Variants in CDC14C observed in about 807,000 individuals in gnomAD.
CDC14C encodes the protein cell division cycle 14C, also known as dual specificity protein phosphatase CDC14C.
A neutral mutation model predicts 26.9 loss-of-function variants in CDC14C; 19 were observed. The observed-to-expected ratio is 0.71, with a 90% CI of 0.49 to 1.04. The LOEUF (loss-of-function observed/expected upper bound fraction) is 1.04. Among genes scored for constraint, CDC14C ranks in the 50% least tolerant of loss-of-function variants. CDC14C has a pLI of 0.00. For missense variants in CDC14C, 423 were observed against 520.0 expected (o/e 0.81, Z 1.81); for synonymous variants, 185 against 180.1 (o/e 1.03, Z -0.22).
chr7:48,926,464 C>A lies in CDC14C; in HGVS notation c.*448C>A. Among the ~76,000 whole-genome samples the A allele has an allele frequency of 6.6e-6, 1 of 151,902 alleles. No homozygotes were observed. Among genetic ancestry groups the A allele is most frequent in the Non-Finnish European group, 1.5e-5 (1 of 67,996 alleles). ...ACATATTGATTAACAGCAAACAAGT[C>A]ATTAGCATTGTTTCTATAGATATTA... On this transcript the variant is annotated 3_prime_UTR_variant, in exon 1 of 1. Transcript: ENST00000650262.
Position 48,926,342 on chromosome 7 carries a change from G to A in CDC14C, c.*326G>A, listed in dbSNP as rs1278009549. On this transcript the variant is annotated 3_prime_UTR_variant, in exon 1 of 1. Transcript: ENST00000650262. ...AGACCCTACCCCAGTGGTGCTAGAG[G>A]AATTAAAGACACACACACAGAAATA... 6.7e-6 allele frequency among the ~76,000 whole-genome samples: 1 copy of A among 149,208 alleles called. No homozygotes were observed. The highest frequency in any genetic ancestry group is 1.5e-5 in the Non-Finnish European group (1 of 67,460).
Position 48,924,629 on chromosome 7 carries a change from A to T in CDC14C, c.-44A>T, listed in dbSNP as rs13308996. The T allele has an allele frequency of 1.6e-4, 163 of 1,017,730 alleles. No individual in the cohort carries two copies. The highest frequency in any genetic ancestry group is 3.2e-4 in the Admixed American group (18 of 55,468). The allele number at this position is 1,017,730 out of a possible 1,614,324, so 63.0% of individuals were successfully genotyped here. A position where few individuals can be genotyped will look rare whatever the true frequency, so the allele number is the denominator to read the frequency against. On this transcript the variant is annotated 5_prime_UTR_variant, in exon 1 of 1. Transcript: ENST00000650262. ...CGGTCGAGCTGGGCCGCCGCGCCCC[A>T]CTGCTCGCCGCGCTGCTCTTTGACC...
rs768186262 is a variant in CDC14C at position 48,924,967 on chromosome 7, C to G, written c.295C>G (p.Gln99Glu). 3 of 1,480,888 alleles carry G rather than the reference C, an allele frequency of 2.0e-6. No homozygotes were observed. In the East Asian group the frequency reaches 6.8e-5, roughly 33 times the overall value. 91.7% of individuals were successfully genotyped at this position (1,480,888 alleles called of 1,614,324 possible). A position where few individuals can be genotyped will look rare whatever the true frequency, so the allele number is the denominator to read the frequency against. The change falls in exon 1 of 1, where the codon CAA (glutamine) becomes GAA (glutamate). Residue 99 changes from glutamine to glutamate, a missense_variant. Physicochemically the swap from Gln to Glu is conservative, Grantham distance 29 (BLOSUM62 2). Transcript: ENST00000650262. Reference protein sequence around the residue: ...VHFTGSDQRKQANAAFLVGCY... With the variant: ...VHFTGSDQRKEANAAFLVGCY... ...TTTTACTGGCTCTGATCAGAGAAAA[C>G]AAGCAAATGCTGCCTTCCTTGTTGG...
In CDC14C at chr7:48,926,041, C is replaced by A; in HGVS notation, c.*25C>A. The A allele has an allele frequency of 1.4e-6, 1 of 737,752 alleles. No homozygotes were observed. Among genetic ancestry groups the A allele is most frequent in the Non-Finnish European group, 2.5e-6 (1 of 394,776 alleles). The allele number at this position is 737,752 out of a possible 1,614,324, so 45.7% of individuals were successfully genotyped here. ...ACTCAAAGATTTCAGAACATAGTAG[C>A]CATCAGGACCCCCTGACAGATAGCT... On this transcript the variant is annotated 3_prime_UTR_variant, in exon 1 of 1. Coordinates refer to ENST00000650262, the MANE Select transcript of CDC14C (RefSeq NM_152627.3).
At position 48,927,326 on chromosome 7, in the gene CDC14C, A is replaced by T. The variant is rs1798908009; in HGVS notation, c.*1310A>T. Among the ~76,000 whole-genome samples the T allele has an allele frequency of 6.6e-6, 1 of 152,198 alleles. No homozygotes were observed. The highest frequency in any genetic ancestry group is 1.5e-5 in the Non-Finnish European group (1 of 68,036). On this transcript the variant is annotated 3_prime_UTR_variant, in exon 1 of 1. Transcript: ENST00000650262. Reference sequence around the variant, plus strand: ...TAGCTTTAGAAGACTCAGGAGGAGAAACTGACTTCAGAGCTGGAAGATGTT... The same window carrying T: ...TAGCTTTAGAAGACTCAGGAGGAGATACTGACTTCAGAGCTGGAAGATGTT...
chr7:48,925,644 G>C lies in CDC14C; in HGVS notation c.972G>C (p.Gly324=), dbSNP rs778210848. The C allele has an allele frequency of 1.3e-6, 2 of 1,573,806 alleles. No homozygotes were observed. The highest frequency in any genetic ancestry group is 1.7e-6 in the Non-Finnish European group (2 of 1,143,280). The change falls in exon 1 of 1, where the codon GGG becomes GGC. Residue 324 remains glycine, a synonymous_variant. Coordinates refer to ENST00000650262, the MANE Select transcript of CDC14C (RefSeq NM_152627.3). ...TCTGCAGACCTGGCTTGGTGATCGG[G>C]CCTCAGCAGCAGTTTTTGGTGATGA... The part of the protein sequence containing the change: ...VRICRPGLVI[G]PQQQFLVMKQ...
rs750444413 is a variant in CDC14C, at chr7:48,924,683, C to T, written c.11C>T (p.Ser4Phe). The change falls in exon 1 of 1, where the codon TCC becomes TTC. Residue 4 changes from serine (S) to phenylalanine (F), a missense_variant. By Grantham distance (155) the Ser-to-Phe change is radical (BLOSUM62 -2). Transcript: ENST00000650262. ...CAGGGTGTGAAGAAGATGCGCAGCT[C>T]CACGCTGCAGGACCCGCGCCGCCGG... The part of the protein sequence containing the change: MRS[S>F]TLQDPRRRDP... 8.7e-7 allele frequency: 1 copy of T among 1,151,528 alleles called. No individual in the cohort carries two copies. The highest frequency in any genetic ancestry group is 1.3e-6 in the Non-Finnish European group (1 of 758,716). The allele number at this position is 1,151,528 out of a possible 1,614,324, so 71.3% of individuals were successfully genotyped here.
At position 48,924,745 on chromosome 7, in the gene CDC14C, C is replaced by G; in HGVS notation, c.73C>G (p.Arg25Gly). 7.1e-7 allele frequency: 1 copy of G among 1,411,122 alleles called. No homozygotes were observed. The highest frequency in any genetic ancestry group is 1.7e-5 in the Admixed American group (1 of 59,718). The allele number at this position is 1,411,122 out of a possible 1,614,324, so 87.4% of individuals were successfully genotyped here. ...QDDVYVDITD[R>G]LRFAILYSRP... ...CGACGTGTACGTGGACATCACCGAT[C>G]GCCTTCGTTTTGCCATTCTCTACAG... The change falls in exon 1 of 1, where the codon CGC becomes GGC. Residue 25 changes from arginine to glycine, a missense_variant. By Grantham distance (125) the Arg-to-Gly change is moderately radical. Transcript: ENST00000650262.
Position 48,924,667 on chromosome 7 carries a change from A to G in CDC14C, c.-6A>G. 1 of 1,115,886 alleles carries G rather than the reference A, an allele frequency of 9.0e-7. No individual in the cohort carries two copies. Among genetic ancestry groups the G allele is most frequent in the Non-Finnish European group, 1.4e-6 (1 of 726,878 alleles). The allele number at this position is 1,115,886 out of a possible 1,614,324, so 69.1% of individuals were successfully genotyped here. A position where few individuals can be genotyped will look rare whatever the true frequency, so the allele number is the denominator to read the frequency against. ...CTGCTCTTTGACCTCGCAGGGTGTG[A>G]AGAAGATGCGCAGCTCCACGCTGCA... On this transcript the variant is annotated 5_prime_UTR_variant, in exon 1 of 1. Transcript: ENST00000650262.
Position 48,925,317 on chromosome 7 carries a change from C to G in CDC14C, c.645C>G (p.Pro215=), listed in dbSNP as rs753105769. The G allele has an allele frequency of 1.2e-6, 2 of 1,603,460 alleles. No individual in the cohort carries two copies. Among genetic ancestry groups the G allele is most frequent in the South Asian group, 1.1e-5 (1 of 90,850 alleles). ...RLESGYHQHS[P]ETYIQYFKNH... ...AAAGTGGTTACCACCAACATTCTCC[C>G]GAGACTTATATTCAATATTTTAAGA... Residue 215 remains proline (P), a synonymous_variant, in exon 1 of 1, where the codon CCC becomes CCG. Coordinates refer to ENST00000650262, the MANE Select transcript of CDC14C (RefSeq NM_152627.3).
chr7:48,925,245 A>G lies in CDC14C; in HGVS notation c.573A>G (p.Pro191=), dbSNP rs1224093800. ...ACGGAGATTTAAATTGGATAATACC[A>G]GACCGATTTATTGCCTTCTGTGGAC... ...AENGDLNWII[P]DRFIAFCGPH... is the part of the protein sequence containing the mutation. The change falls in exon 1 of 1, where the codon CCA becomes CCG. Residue 191 remains proline, a synonymous_variant. Coordinates refer to ENST00000650262, the MANE Select transcript of CDC14C (RefSeq NM_152627.3). 6.2e-7 allele frequency: 1 copy of G among 1,607,666 alleles called. No individual in the cohort carries two copies. Among genetic ancestry groups the G allele is most frequent in the Non-Finnish European group, 8.5e-7 (1 of 1,174,000 alleles).
In CDC14C at chr7:48,924,768, C is replaced by T. The variant is rs770427736; in HGVS notation, c.96C>T (p.Tyr32=). Residue 32 remains tyrosine (Y), a synonymous_variant, in exon 1 of 1, where the codon TAC becomes TAT. Coordinates refer to ENST00000650262, the MANE Select transcript of CDC14C (RefSeq NM_152627.3). ...ATCGCCTTCGTTTTGCCATTCTCTA[C>T]AGCAGACCAAAGAGTGCATCAAATG... is the stretch of plus-strand genomic sequence containing the variant. ...ITDRLRFAIL[Y]SRPKSASNVH... is the part of the protein sequence containing the mutation. 2.8e-6 allele frequency: 4 copies of T among 1,428,788 alleles called. No homozygotes were observed. The highest frequency in any genetic ancestry group is 4.0e-6 in the Non-Finnish European group (4 of 1,010,802). The allele number at this position is 1,428,788 out of a possible 1,614,324, so 88.5% of individuals were successfully genotyped here.
chr7:48,924,738 C>T lies in CDC14C; in HGVS notation c.66C>T (p.Ile22=). Reference sequence around the variant, plus strand: ...CCCAGGACGACGTGTACGTGGACATCACCGATCGCCTTCGTTTTGCCATTC... The same window carrying T: ...CCCAGGACGACGTGTACGTGGACATTACCGATCGCCTTCGTTTTGCCATTC... The part of the protein sequence containing the change: ...RDPQDDVYVD[I]TDRLRFAILY... Residue 22 remains isoleucine (I), a synonymous_variant, in exon 1 of 1, where the codon ATC becomes ATT. Coordinates refer to ENST00000650262, the MANE Select transcript of CDC14C (RefSeq NM_152627.3). 6 of 1,389,930 alleles carry T rather than the reference C, an allele frequency of 4.3e-6. No individual in the cohort carries two copies. The highest frequency in any genetic ancestry group is 6.1e-6 in the Non-Finnish European group (6 of 975,702). 86.1% of individuals were successfully genotyped at this position (1,389,930 alleles called of 1,614,324 possible).
Position 48,924,625 on chromosome 7 carries a change from C to G in CDC14C, c.-48C>G. 1 of 1,002,334 alleles carries G rather than the reference C, an allele frequency of 1.0e-6. No individual in the cohort carries two copies. Among genetic ancestry groups the G allele is most frequent in the South Asian group, 1.3e-5 (1 of 75,036 alleles). 62.1% of individuals were successfully genotyped at this position (1,002,334 alleles called of 1,614,324 possible). On this transcript the variant is annotated 5_prime_UTR_variant, in exon 1 of 1. Coordinates refer to ENST00000650262, the MANE Select transcript of CDC14C (RefSeq NM_152627.3). ...GGGGCGGTCGAGCTGGGCCGCCGCG[C>G]CCCACTGCTCGCCGCGCTGCTCTTT...
chr7:48,926,720 A>T lies in CDC14C; in HGVS notation c.*704A>T, dbSNP rs913488039. On this transcript the variant is annotated 3_prime_UTR_variant, in exon 1 of 1. Coordinates refer to ENST00000650262, the MANE Select transcript of CDC14C (RefSeq NM_152627.3). ...CCCTTCCAGCGTGGGCATTAGGGCCATTATGAACATGTTACAGTGCTGCAG... is the reference window on the plus strand; with the variant it reads ...CCCTTCCAGCGTGGGCATTAGGGCCTTTATGAACATGTTACAGTGCTGCAG... 2.3e-4 allele frequency among the ~76,000 whole-genome samples: 35 copies of T among 151,990 alleles called. No homozygotes were observed. The highest frequency in any genetic ancestry group is 4.1e-4 in the Non-Finnish European group (28 of 68,020).
At position 48,926,073 on chromosome 7, in the gene CDC14C, C is replaced by G. The variant is rs904163208; in HGVS notation, c.*57C>G. 18 of 726,566 alleles carry G rather than the reference C, an allele frequency of 2.5e-5. No homozygotes were observed. Among genetic ancestry groups the G allele is most frequent in the Non-Finnish European group, 4.4e-5 (17 of 388,820 alleles). The allele number at this position is 726,566 out of a possible 1,614,324, so 45.0% of individuals were successfully genotyped here. A position where few individuals can be genotyped will look rare whatever the true frequency, so the allele number is the denominator to read the frequency against. ...GACCCCCTGACAGATAGCTGCTTCT[C>G]TCCATTTCAAGGACTAAAATGGTTT... On this transcript the variant is annotated 3_prime_UTR_variant, in exon 1 of 1. Coordinates refer to ENST00000650262, the MANE Select transcript of CDC14C (RefSeq NM_152627.3).
chr7:48,924,717 G>A lies in CDC14C; in HGVS notation c.45G>A (p.Gln15=), dbSNP rs779330105. Residue 15 remains glutamine, a synonymous_variant, in exon 1 of 1, where the codon CAG becomes CAA. Transcript: ENST00000650262. The part of the protein sequence containing the change: ...TLQDPRRRDP[Q]DDVYVDITDR... Reference sequence around the variant, plus strand: ...AGGACCCGCGCCGCCGGGACCCCCAGGACGACGTGTACGTGGACATCACCG... The same window carrying A: ...AGGACCCGCGCCGCCGGGACCCCCAAGACGACGTGTACGTGGACATCACCG... 1.5e-5 allele frequency: 20 copies of A among 1,327,128 alleles called. No homozygotes were observed. In the Admixed American group the frequency reaches 2.0e-4, roughly 13 times the overall value. 82.2% of individuals were successfully genotyped at this position (1,327,128 alleles called of 1,614,324 possible). A position where few individuals can be genotyped will look rare whatever the true frequency, so the allele number is the denominator to read the frequency against.
At position 48,925,373 on chromosome 7, in the gene CDC14C, A is replaced by T. The variant is rs762965750; in HGVS notation, c.701A>T (p.Asn234Ile). The change falls in exon 1 of 1, where the codon AAT (asparagine) becomes ATT (isoleucine). Residue 234 changes from asparagine to isoleucine, a missense_variant. Physicochemically the swap from Asn to Ile is moderately radical, Grantham distance 149. Coordinates refer to ENST00000650262, the MANE Select transcript of CDC14C (RefSeq NM_152627.3). Reference protein sequence around the residue: ...NHNVTTIIRLNKRMYDAKRFT... With the variant: ...NHNVTTIIRLIKRMYDAKRFT... Reference sequence around the variant, plus strand: ...AATGTTACTACCATTATTCGTCTGAATAAAAGGATGTATGATGCCAAACGC... The same window carrying T: ...AATGTTACTACCATTATTCGTCTGATTAAAAGGATGTATGATGCCAAACGC... The T allele has an allele frequency of 5.2e-5, 84 of 1,611,448 alleles. No homozygotes were observed. Among genetic ancestry groups the T allele is most frequent in the Non-Finnish European group, 5.0e-5 (59 of 1,177,648 alleles).
Position 48,926,100 on chromosome 7 carries a change from G to A in CDC14C, c.*84G>A. ...CCATTTCAAGGACTAAAATGGTTTT[G>A]CATTAAGTAAAAACCTGTGACCAGA... On this transcript the variant is annotated 3_prime_UTR_variant, in exon 1 of 1. Transcript: ENST00000650262. 2 of 712,372 alleles carry A rather than the reference G, an allele frequency of 2.8e-6. No individual in the cohort carries two copies. Among genetic ancestry groups the A allele is most frequent in the Non-Finnish European group, 5.2e-6 (2 of 381,082 alleles). The allele number at this position is 712,372 out of a possible 1,614,324, so 44.1% of individuals were successfully genotyped here.
Sources: gnomAD v4.1 joint callset for allele counts (sites outside exome capture counted in the v4.1 genomes callset) on GRCh38, gnomAD v4.1.1 for gene constraint, MANE v1.5 for transcripts, NCBI Gene and HGNC (gene_info 2026-07-23, HGNC 2026-07-21) for gene names.